The following SYTL3 variants were observed in gnomAD, a reference collection of about 807,000 sequenced individuals.
The protein encoded by SYTL3 is synaptotagmin like 3.
A neutral mutation model predicts 82.1 loss-of-function variants in SYTL3; 88 were observed. The observed-to-expected ratio is 1.07, with a 90% CI of 0.90 to 1.28. The LOEUF (loss-of-function observed/expected upper bound fraction) is 1.28, where lower values mean the gene tolerates loss of function less well. Ranked by LOEUF, SYTL3 falls within the 50% of genes most tolerant of loss-of-function variation. The pLI is 0.00. For synonymous variants in SYTL3, 311 were observed against 289.4 expected (o/e 1.07, Z -0.76); for missense variants, 831 against 757.6 (o/e 1.10, Z -1.14).
In SYTL3 at chr6:158,764,711, G is replaced by A. The variant is rs527409934; in HGVS notation, c.*107G>A. 61 of 751,394 alleles carry A rather than the reference G, an allele frequency of 8.1e-5. No individual in the cohort carries two copies. The highest frequency in any genetic ancestry group is 6.9e-4 in the African/African-American group (40 of 58,358). 46.5% of individuals were successfully genotyped at this position (751,394 alleles called of 1,614,324 possible). Reference sequence around the variant, plus strand: ...CCCAGCTGGAGACCCCTTTGACCTTGAGCAGTCTCCATCTGCGGCCCTGTC... The same window carrying A: ...CCCAGCTGGAGACCCCTTTGACCTTAAGCAGTCTCCATCTGCGGCCCTGTC... On this transcript the variant is annotated 3_prime_UTR_variant, in exon 18 of 18. Coordinates refer to ENST00000611299, the MANE Select transcript of SYTL3 (RefSeq NM_001242394.2).
intron 2 of SYTL3, among the ~76,000 whole-genome samples, chr6:158,656,507 C>T (rs544556060): frequency 1.5e-3 from 221 of 152,202 alleles, no homozygotes; most frequent in African/African-American, 4.6e-3. Context: ...GGGCAGATCA[C>T]GAGGTCAGGA....
rs1554243607 is a variant in SYTL3, at chr6:158,671,747, A to AAAAG, written c.329+6136_329+6137insAGAA. 9.5e-4 allele frequency among the ~76,000 whole-genome samples: 142 copies of AAAAG among 149,146 alleles called. 1 individual carries two copies. The highest frequency in any genetic ancestry group is 2.0e-3 in the East Asian group (10 of 5,072). ...CGAGACTCAGTCTAAAAAAAAAAAA[A>AAAAG]AAGATAATTATTTAAATTATTTAGC... On this transcript the variant is annotated intron_variant, in intron 5 of 17. Transcript: ENST00000611299.
At chr6:158,679,224 G>A (rs1025556728) in intron 5 of SYTL3, among the ~76,000 whole-genome samples, 1 of 152,086 alleles carries the variant, frequency 6.6e-6, no homozygotes, top group Non-Finnish European at 1.5e-5. Context: ...ACAAAACTTA[G>A]CCAGGCATGG....
At chr6:158,651,374 T>C (rs1471424030) in intron 1 of SYTL3, among the ~76,000 whole-genome samples, 1 of 152,034 alleles carries the variant, frequency 6.6e-6, no homozygotes, top group African/African-American at 2.4e-5. Context: ...GGATGGATCA[T>C]GAGGTCAAGA....
At chr6:158,695,788 T>G (rs979429706) in intron 6 of SYTL3, among the ~76,000 whole-genome samples, 8 of 152,226 alleles carry the variant, frequency 5.3e-5, no homozygotes, top group Non-Finnish European at 1.2e-4. Context: ...TTTGTTCTTT[T>G]GTATCTGGCT....
chr6:158,702,666 C>T (rs6936105), intron 6 of SYTL3, among the ~76,000 whole-genome samples: 29,705 of 152,020 alleles, frequency 0.2, 3,054 homozygotes, highest in South Asian at 0.31. Flanking sequence ...GCGGTGACCC[C>T]GTGTCTGTAC....
intron 13 of SYTL3, among the ~76,000 whole-genome samples, chr6:158,755,849 A>G (rs1365804408): frequency 6.6e-6 from 1 of 152,226 alleles, no homozygotes; most frequent in African/African-American, 2.4e-5. Flanking sequence ...CACAGAGGTC[A>G]GCAGCGAGAC....
At chr6:158,753,942 G>A (rs1788746257) in intron 13 of SYTL3, among the ~76,000 whole-genome samples, 1 of 151,814 alleles carries the variant, frequency 6.6e-6, no homozygotes, top group Middle Eastern at 3.4e-3. Context: ...ACCCAACACC[G>A]GCCAGCCTCA....
chr6:158,736,679 T>C (rs537789060), intron 11 of SYTL3, among the ~76,000 whole-genome samples: 6 of 151,444 alleles, frequency 4.0e-5, no homozygotes, highest in Non-Finnish European at 8.8e-5. Flanking sequence ...TCCCACCTAC[T>C]TGGGAGGCTG....
chr6:158,763,607 G>A, intron 17 of SYTL3, 98 bp downstream of exon 17: 1 of 1,099,554 alleles, frequency 9.1e-7, no homozygotes, highest in South Asian at 1.4e-5. Context: ...TGACTTAACT[G>A]GTTTTGAAAT....
intron 11 of SYTL3, among the ~76,000 whole-genome samples, chr6:158,743,100 T>G (rs1787146281): frequency 6.6e-6 from 1 of 152,176 alleles, no homozygotes; most frequent in Non-Finnish European, 1.5e-5. Flanking sequence ...TCTGAGTCTC[T>G]TTGCCATTTC....
intron 10 of SYTL3, among the ~76,000 whole-genome samples, chr6:158,722,138 ACTTT>A (rs940063658): frequency 2.1e-5 from 3 of 144,966 alleles, no homozygotes; most frequent in Non-Finnish European, 4.6e-5. Context: ...GTAGTAGATA[ACTTT>A]CTTTTTTTGT....
chr6:158,724,349 C>G (rs1050187792), intron 10 of SYTL3, among the ~76,000 whole-genome samples: 1 of 152,206 alleles, frequency 6.6e-6, no homozygotes, highest in Non-Finnish European at 1.5e-5. Flanking sequence ...TCCTTTCTTT[C>G]ATTTGTTCTA....
At chr6:158,756,371 G>A (rs35487530) in intron 13 of SYTL3, among the ~76,000 whole-genome samples, 36,828 of 152,238 alleles carry the variant, frequency 0.24, 4,998 homozygotes, top group African/African-American at 0.36. Context: ...GTGGTGTTGC[G>A]GGGAATGGAG....
chr6:158,708,651 T>G (rs541492979), intron 8 of SYTL3, among the ~76,000 whole-genome samples: 2 of 152,172 alleles, frequency 1.3e-5, no homozygotes, highest in Non-Finnish European at 2.9e-5. Context: ...ACTCTTGGCA[T>G]GGCATCGGCC....
intron 13 of SYTL3, among the ~76,000 whole-genome samples, chr6:158,756,718 AATTTTTTT>A (rs1467658231): frequency 4.2e-5 from 2 of 47,340 alleles, no homozygotes; most frequent in African/African-American, 1.4e-4. Flanking sequence ...CTCAAAAAAA[AATTTTTTT>A]TTTTTTTTTT....
At position 158,763,344 on chromosome 6, in the gene SYTL3, T is replaced by G; in HGVS notation, c.1558T>G (p.Ser520Ala). ...LPDQQKLRLK[S>A]PVLRKQACPQ... ...AGACCAACAAAAACTGAGACTGAAGTCGCCAGTCCTGAGGAAGCAGGCTTG... is the reference window on the plus strand; with the variant it reads ...AGACCAACAAAAACTGAGACTGAAGGCGCCAGTCCTGAGGAAGCAGGCTTG... The change falls in exon 17 of 18, where the codon TCG becomes GCG. Residue 520 changes from serine (S) to alanine (A), a missense_variant. Physicochemically the swap from Ser to Ala is moderately conservative, Grantham distance 99. Coordinates refer to ENST00000611299, the MANE Select transcript of SYTL3 (RefSeq NM_001242394.2). The G allele has an allele frequency of 6.2e-7, 1 of 1,614,188 alleles. No individual in the cohort carries two copies. The highest frequency in any genetic ancestry group is 8.5e-7 in the Non-Finnish European group (1 of 1,180,038).
intron 6 of SYTL3, among the ~76,000 whole-genome samples, chr6:158,699,251 C>T (rs545081508): frequency 1.4e-4 from 22 of 152,264 alleles, no homozygotes; most frequent in African/African-American, 4.1e-4. Context: ...CCTCTTTCCC[C>T]GTGAACCAAG....
chr6:158,702,649 A>G (rs1017142308), intron 6 of SYTL3, among the ~76,000 whole-genome samples: 1 of 152,058 alleles, frequency 6.6e-6, no homozygotes, highest in Non-Finnish European at 1.5e-5. Context: ...GTTCGAATAG[A>G]AGCAGAGCGG....
Sources: gnomAD v4.1 joint callset for allele counts (sites outside exome capture counted in the v4.1 genomes callset) on GRCh38, gnomAD v4.1.1 for gene constraint, MANE v1.5 for transcripts, NCBI Gene and HGNC (gene_info 2026-07-23, HGNC 2026-07-21) for gene names.